Variants in ZMAT4 observed in about 807,000 individuals in gnomAD.
ZMAT4 encodes zinc finger matrin-type protein 4.
In ZMAT4, 17 loss-of-function variants were observed where a neutral mutation model predicts 28.7. That is an observed-to-expected ratio of 0.59 (90% CI 0.41 to 0.89). ZMAT4 has a LOEUF of 0.89. ZMAT4 is among the 40% of genes least tolerant of loss of function. The probability of loss-of-function intolerance (pLI) is 0.00; values close to 1 mark genes in which losing one functional copy is unlikely to be tolerated. For synonymous variants in ZMAT4, 117 were observed against 109.2 expected (o/e 1.07, Z -0.44); for missense variants, 240 against 283.8 (o/e 0.85, Z 1.11).
chr8:40,803,648 C>A (rs1047635120), intron 2 of ZMAT4, among the ~76,000 whole-genome samples: 5 of 152,126 alleles, frequency 3.3e-5, no homozygotes, highest in African/African-American at 1.2e-4. Flanking sequence ...AATGGTACAG[C>A]CACTTTGGAA....
intron 6 of ZMAT4, among the ~76,000 whole-genome samples, chr8:40,561,941 T>C (rs1467930442): frequency 3.3e-5 from 5 of 152,146 alleles, no homozygotes; most frequent in African/African-American, 1.2e-4. Context: ...TGTCTGTGTG[T>C]AAGAGAGAAA....
chr8:40,863,551 A>T (rs1274170801), intron 1 of ZMAT4, among the ~76,000 whole-genome samples: 2 of 152,316 alleles, frequency 1.3e-5, no homozygotes, highest in African/African-American at 4.8e-5. Context: ...CTGTGAGAAG[A>T]GCTGTAGATG....
chr8:40,563,687 C>A (rs548485787), intron 6 of ZMAT4, among the ~76,000 whole-genome samples: 1 of 152,130 alleles, frequency 6.6e-6, no homozygotes, highest in South Asian at 2.1e-4. Flanking sequence ...ATTCCACATG[C>A]ATGATTCTGC....
At position 40,578,425 on chromosome 8, in the gene ZMAT4, G is replaced by A. The variant is rs892954679; in HGVS notation, c.674+2740C>T. Reference sequence around the variant, plus strand: ...TAATATCATAGGAGATTATCTTATCGACCTCAGGATAAGCAGAGAATTCTT... The same window carrying A: ...TAATATCATAGGAGATTATCTTATCAACCTCAGGATAAGCAGAGAATTCTT... On this transcript the variant is annotated intron_variant, in intron 6 of 6. Coordinates refer to ENST00000297737, the MANE Select transcript of ZMAT4 (RefSeq NM_024645.3). 7.9e-5 allele frequency among the ~76,000 whole-genome samples: 12 copies of A among 151,850 alleles called. No homozygotes were observed. The East Asian group carries it at 2.1e-3, about 27-fold the overall frequency.
At chr8:40,872,068 A>C (rs899350473) in intron 1 of ZMAT4, among the ~76,000 whole-genome samples, 5 of 152,222 alleles carry the variant, frequency 3.3e-5, no homozygotes, top group African/African-American at 1.2e-4. Context: ...CATCAGCCAC[A>C]GGGGAGGGAG....
At chr8:40,720,769 G>A (rs571605737) in intron 3 of ZMAT4, among the ~76,000 whole-genome samples, 13 of 151,618 alleles carry the variant, frequency 8.6e-5, no homozygotes, top group South Asian at 4.2e-4. Flanking sequence ...CAAGTAATCC[G>A]CCCACCTCAG....
intron 3 of ZMAT4, among the ~76,000 whole-genome samples, chr8:40,728,899 G>C (rs1211469089): frequency 2.0e-5 from 3 of 152,050 alleles, no homozygotes; most frequent in Non-Finnish European, 4.4e-5. Flanking sequence ...CCATAGACTA[G>C]TTTTGTCTAT....
chr8:40,729,431 TAC>T lies in ZMAT4; in HGVS notation c.193-32032_193-32031del, dbSNP rs529236770. The stretch of plus-strand genomic sequence containing the variant: ...CCAGTCTAAAGCATTATTATTCATT[TAC>T]ACATTTTACTGTTAACCATGTTAAA... On this transcript the variant is annotated intron_variant, in intron 3 of 6. Coordinates refer to ENST00000297737, the MANE Select transcript of ZMAT4 (RefSeq NM_024645.3). Among the ~76,000 whole-genome samples the T allele has an allele frequency of 4.6e-5, 7 of 152,352 alleles. No individual in the cohort carries two copies. The South Asian group carries it at 1.4e-3, about 32-fold the overall frequency.
rs571105738 is a variant in ZMAT4 at position 40,774,524 on chromosome 8, G to A, written c.103-6794C>T. Among the ~76,000 whole-genome samples, 199 of 152,016 alleles carry A rather than the reference G, an allele frequency of 1.3e-3. 1 individual carries two copies. Among genetic ancestry groups the A allele is most frequent in the African/African-American group, 4.5e-3 (186 of 41,478 alleles). ...CCTACTTCTTTGAATTTATTCTAAG[G>A]AAGCAATCAGAGACATGTATTTCCA... On this transcript the variant is annotated intron_variant, in intron 2 of 6. Transcript: ENST00000297737.
intron 6 of ZMAT4, among the ~76,000 whole-genome samples, chr8:40,579,249 T>A (rs1804370360): frequency 6.6e-6 from 1 of 152,216 alleles, no homozygotes; most frequent in Non-Finnish European, 1.5e-5. Flanking sequence ...TCATTGTTTA[T>A]CTTTTTCTAT....
intron 3 of ZMAT4, among the ~76,000 whole-genome samples, chr8:40,735,354 T>G (rs1258722928): frequency 2.0e-5 from 3 of 152,158 alleles, no homozygotes; most frequent in Non-Finnish European, 4.4e-5. Context: ...ATACTCAATA[T>G]TTTCTCTTTA....
intron 5 of ZMAT4, among the ~76,000 whole-genome samples, chr8:40,602,109 A>G (rs959855803): frequency 6.6e-6 from 1 of 152,154 alleles, no homozygotes; most frequent in Admixed American, 6.5e-5. Context: ...GTGAGAACAT[A>G]TGATGCTTGG....
At chr8:40,723,302 G>A (rs1312674478) in intron 3 of ZMAT4, among the ~76,000 whole-genome samples, 1 of 152,098 alleles carries the variant, frequency 6.6e-6, no homozygotes, top group Non-Finnish European at 1.5e-5. Flanking sequence ...CAACACTTTG[G>A]GAGGCCAAGG....
At chr8:40,834,333 G>T (rs1003330360) in intron 1 of ZMAT4, among the ~76,000 whole-genome samples, 1 of 152,026 alleles carries the variant, frequency 6.6e-6, no homozygotes, top group African/African-American at 2.4e-5. Context: ...CTTGTCCTTT[G>T]TCTGCTTGGA....
intron 3 of ZMAT4, among the ~76,000 whole-genome samples, chr8:40,727,110 T>C (rs1368871342): frequency 6.6e-6 from 1 of 152,218 alleles, no homozygotes; most frequent in Non-Finnish European, 1.5e-5. Context: ...GGAATTTAGC[T>C]CTGGAGTCCT....
At chr8:40,616,886 A>T (rs75920276) in intron 5 of ZMAT4, among the ~76,000 whole-genome samples, 3 of 149,762 alleles carry the variant, frequency 2.0e-5, no homozygotes, top group Admixed American at 6.7e-5. Flanking sequence ...TAAAGTATAA[A>T]AAAAAAAAAA....
intron 3 of ZMAT4, among the ~76,000 whole-genome samples, chr8:40,766,659 A>G (rs1358667741): frequency 6.6e-6 from 1 of 152,208 alleles, no homozygotes; most frequent in African/African-American, 2.4e-5. Flanking sequence ...TCATTTTGTG[A>G]CACCAAGAGG....
chr8:40,781,879 C>A lies in ZMAT4; in HGVS notation c.103-14149G>T, dbSNP rs1466202723. Among the ~76,000 whole-genome samples, 21 of 147,966 alleles carry A rather than the reference C, an allele frequency of 1.4e-4. No individual in the cohort carries two copies. The Admixed American group carries it at 1.4e-3, about 10-fold the overall frequency. ...CACAATTCAACAAATAATGATGGGA[C>A]AATTAAATATATGCAAAACAGTGGA... On this transcript the variant is annotated intron_variant, in intron 2 of 6. Transcript: ENST00000297737.
intron 1 of ZMAT4, among the ~76,000 whole-genome samples, chr8:40,842,877 G>A (rs1197333370): frequency 3.9e-5 from 6 of 152,234 alleles, no homozygotes; most frequent in African/African-American, 7.2e-5. Context: ...CGAGGTTCAA[G>A]CAATTCTCCT....
Sources: gnomAD v4.1 joint callset for allele counts (sites outside exome capture counted in the v4.1 genomes callset) on GRCh38, gnomAD v4.1.1 for gene constraint, MANE v1.5 for transcripts, NCBI Gene and HGNC (gene_info 2026-07-23, HGNC 2026-07-21) for gene names.